Variants in CACNA1A observed in about 807,000 individuals in gnomAD.
The protein encoded by CACNA1A is voltage-dependent P/Q-type calcium channel subunit alpha-1A.
Under a neutral mutation model 262.4 loss-of-function variants are expected in CACNA1A, and 57 were observed. That is an observed-to-expected ratio of 0.22 (90% CI 0.18 to 0.27). The LOEUF is 0.27. Ranked by LOEUF, CACNA1A falls within the 10% of genes least tolerant of loss-of-function variation. The pLI is 1.00. For missense variants in CACNA1A, 2,526 were observed against 3,562.8 expected, an observed-to-expected ratio of 0.71 and a Z score of 7.41; for synonymous variants, 1,431 against 1,419.3, an observed-to-expected ratio of 1.01 and a Z score of -0.18.
In CACNA1A at chr19:13,303,893, G is replaced by A. The variant is rs747420630; in HGVS notation, c.1987-9C>T. Reference sequence around the variant, plus strand: ...TCTTCGCCCGTCAGGATCTGAAAGGGGAGGAAGAAACACACAGCCAACCCC... The same window carrying A: ...TCTTCGCCCGTCAGGATCTGAAAGGAGAGGAAGAAACACACAGCCAACCCC... On this transcript the variant is annotated splice_polypyrimidine_tract_variant and intron_variant, in intron 15 of 46. Transcript: ENST00000360228. 1.3e-6 allele frequency: 2 copies of A among 1,598,030 alleles called. No individual in the cohort carries two copies. Among genetic ancestry groups the A allele is most frequent in the East Asian group, 2.2e-5 (1 of 44,728 alleles).
chr19:13,436,081 TCCTAAAGTGTTGGGATTACAGGTGTGAG>T (rs2060607154), intron 3 of CACNA1A, among the ~76,000 whole-genome samples: 1 of 152,200 alleles, frequency 6.6e-6, no homozygotes. Context: ...AGCCTCGGCC[TCCTAAAGTGTTGGGATTACAGGTGTGAG>T]CCACCGTGCC....
At chr19:13,504,603 A>G (rs1982789540) in intron 1 of CACNA1A, among the ~76,000 whole-genome samples, 1 of 151,968 alleles carries the variant, frequency 6.6e-6, no homozygotes, top group South Asian at 2.1e-4. Flanking sequence ...AAAACCACAT[A>G]CAAAAGGGAT....
At chr19:13,233,052 A>G (rs535783166) in intron 34 of CACNA1A, among the ~76,000 whole-genome samples, 2 of 150,940 alleles carry the variant, frequency 1.3e-5, no homozygotes, top group East Asian at 1.9e-4. Context: ...TCTGTCTCAG[A>G]TTAAAAAAAA....
In CACNA1A at chr19:13,286,969, G is replaced by C. The variant is rs2057416123; in HGVS notation, c.3090-3C>G. The C allele has an allele frequency of 6.3e-7, 1 of 1,578,708 alleles. No individual in the cohort carries two copies. Among genetic ancestry groups the C allele is most frequent in the Non-Finnish European group, 8.6e-7 (1 of 1,161,352 alleles). The stretch of plus-strand genomic sequence containing the variant: ...GGACCCCGGAGCCCTGGTTCTCTCT[G>C]AGGAAGGCAAGTGAATGAAAAAGAA... On this transcript the variant is annotated splice_polypyrimidine_tract_variant and splice_region_variant and intron_variant, in intron 19 of 46. Coordinates refer to ENST00000360228, the MANE Select transcript of CACNA1A (RefSeq NM_001127222.2).
intron 38 of CACNA1A, among the ~76,000 whole-genome samples, chr19:13,222,231 AG>A (rs2055258274): frequency 6.6e-6 from 1 of 151,850 alleles, no homozygotes; most frequent in Admixed American, 6.6e-5. Context: ...TAGTAGAGAC[AG>A]GGTTTTGCCA....
intron 3 of CACNA1A, among the ~76,000 whole-genome samples, chr19:13,435,577 C>A (rs2060596492): frequency 6.6e-6 from 1 of 152,052 alleles, no homozygotes; most frequent in African/African-American, 2.4e-5. Context: ...CAGATGTACA[C>A]TGGGGACAAT....
At chr19:13,478,390 T>C (rs565674843) in intron 1 of CACNA1A, among the ~76,000 whole-genome samples, 1 of 152,210 alleles carries the variant, frequency 6.6e-6, no homozygotes, top group Admixed American at 6.5e-5. Context: ...ACGCGATCAC[T>C]CACTGCGGTC....
chr19:13,461,193 A>G (rs1203847911), intron 1 of CACNA1A, among the ~76,000 whole-genome samples: 1 of 152,122 alleles, frequency 6.6e-6, no homozygotes, highest in Non-Finnish European at 1.5e-5. Context: ...TACAAAAATT[A>G]GCTGGGCATA....
At chr19:13,327,163 G>T (rs1228315440) in intron 10 of CACNA1A, among the ~76,000 whole-genome samples, 4 of 152,112 alleles carry the variant, frequency 2.6e-5, no homozygotes, top group African/African-American at 9.7e-5. Context: ...TTACAGGCGT[G>T]AGCCACCACA....
At chr19:13,480,939 T>C (rs1459352531) in intron 1 of CACNA1A, among the ~76,000 whole-genome samples, 1 of 152,206 alleles carries the variant, frequency 6.6e-6, no homozygotes, top group African/African-American at 2.4e-5. Context: ...ATTGTTGTTA[T>C]TATTCATTGA....
chr19:13,228,605 GATATAT>G (rs74181814), intron 36 of CACNA1A: 20 of 90,134 alleles, frequency 2.2e-4, no homozygotes, highest in Non-Finnish European at 3.3e-4. Flanking sequence ...GAGAGAGAGA[GATATAT>G]ATATATATAT....
intron 1 of CACNA1A, among the ~76,000 whole-genome samples, chr19:13,501,831 C>T (rs924894528): frequency 6.6e-6 from 1 of 152,174 alleles, no homozygotes; most frequent in African/African-American, 2.4e-5. Context: ...GAAGTCAGTT[C>T]AGGTTAGGTT....
At chr19:13,497,272 C>T (rs1021435867) in intron 1 of CACNA1A, among the ~76,000 whole-genome samples, 1 of 151,340 alleles carries the variant, frequency 6.6e-6, no homozygotes, top group Non-Finnish European at 1.5e-5. Context: ...TCCAAGTACA[C>T]AGACTAAAAT....
chr19:13,383,391 T>C (rs1220567684), intron 3 of CACNA1A, among the ~76,000 whole-genome samples: 1 of 152,122 alleles, frequency 6.6e-6, no homozygotes, highest in African/African-American at 2.4e-5. Context: ...GAAGAAGGTT[T>C]CAAAGATCAA....
At chr19:13,311,577 C>T (rs2058034565) in intron 12 of CACNA1A, among the ~76,000 whole-genome samples, 1 of 152,216 alleles carries the variant, frequency 6.6e-6, no homozygotes, top group African/African-American at 2.4e-5. Context: ...GTGGCTCACG[C>T]CTGTAATCCC....
intron 6 of CACNA1A, among the ~76,000 whole-genome samples, chr19:13,336,459 A>G (rs2058566095): frequency 6.6e-6 from 1 of 152,020 alleles, no homozygotes; most frequent in Non-Finnish European, 1.5e-5. Context: ...TTTCAAGAGG[A>G]AAAAAGTCCA....
intron 38 of CACNA1A, 141 bp downstream of exon 38, chr19:13,224,526 A>G: frequency 1.6e-6 from 1 of 643,754 alleles, no homozygotes; most frequent in African/African-American, 1.8e-5. Flanking sequence ...CCAAACCCCA[A>G]AAAACCCTGT....
chr19:13,347,049 T>C (rs1391680541), intron 6 of CACNA1A, among the ~76,000 whole-genome samples: 1 of 103,202 alleles, frequency 9.7e-6, no homozygotes, highest in Non-Finnish European at 1.8e-5. Context: ...CCTTCAGGTC[T>C]GTTTTTTTTG....
intron 17 of CACNA1A, 70 bp downstream of exon 17, chr19:13,303,476 C>A: frequency 5.7e-6 from 1 of 174,834 alleles, no homozygotes; most frequent in Non-Finnish European, 1.2e-5. Context: ...ACCCCCACCC[C>A]CACCCCCGTC....
Sources: gnomAD v4.1 joint callset for allele counts (sites outside exome capture counted in the v4.1 genomes callset) on GRCh38, gnomAD v4.1.1 for gene constraint, MANE v1.5 for transcripts, NCBI Gene and HGNC (gene_info 2026-07-23, HGNC 2026-07-21) for gene names.